Variants in FARS2 observed in about 807,000 individuals in gnomAD.
FARS2 encodes the protein phenylalanine--tRNA ligase, mitochondrial.
FARS2 carries 40 observed loss-of-function variants against 46.4 expected under a neutral mutation model. That is an observed-to-expected ratio of 0.86 (90% CI 0.67 to 1.12). FARS2 has a LOEUF of 1.12. Ranked by LOEUF, FARS2 falls within the 50% of genes most tolerant of loss-of-function variation. The pLI, the probability that FARS2 is intolerant of heterozygous loss-of-function variation, is 0.00. For synonymous variants in FARS2, 234 were observed against 214.9 expected (o/e 1.09, Z -0.78); for missense variants, 513 against 567.9 (o/e 0.90, Z 0.98).
intron 6 of FARS2, among the ~76,000 whole-genome samples, chr6:5,703,018 T>C (rs1398217494): frequency 3.3e-5 from 5 of 152,214 alleles, no homozygotes; most frequent in Admixed American, 6.5e-5. Flanking sequence ...TACGGGATCC[T>C]TCTGCTTCAA....
intron 5 of FARS2, chr6:5,609,774 C>G: frequency 6.7e-7 from 1 of 1,488,828 alleles, no homozygotes; most frequent in Non-Finnish European, 9.2e-7. Flanking sequence ...CTGCCTCGGT[C>G]AGTCATGATT....
chr6:5,656,561 T>A (rs1280932301), intron 6 of FARS2, among the ~76,000 whole-genome samples: 1 of 150,708 alleles, frequency 6.6e-6, no homozygotes, highest in Non-Finnish European at 1.5e-5. Flanking sequence ...TTCTTTGTTT[T>A]TTTTTTGGAG....
At chr6:5,604,184 A>G (rs373300520) in intron 5 of FARS2, among the ~76,000 whole-genome samples, 2 of 152,160 alleles carry the variant, frequency 1.3e-5, no homozygotes, top group African/African-American at 4.8e-5. Flanking sequence ...GCTTATGCGG[A>G]TATGTGCGAG....
At chr6:5,586,664 TTTC>T (rs1355184229) in intron 5 of FARS2, among the ~76,000 whole-genome samples, 5 of 152,090 alleles carry the variant, frequency 3.3e-5, no homozygotes, top group Admixed American at 1.3e-4. Context: ...TCTTTCTTTC[TTTC>T]TTTTGTAGTA....
intron 4 of FARS2, among the ~76,000 whole-genome samples, chr6:5,474,266 CATTT>C (rs1765980316): frequency 1.3e-5 from 2 of 152,178 alleles, no homozygotes; most frequent in Admixed American, 6.6e-5. Context: ...TGCATTATTT[CATTT>C]ATTTATTATT....
intron 6 of FARS2, among the ~76,000 whole-genome samples, chr6:5,728,549 A>G (rs1760419374): frequency 1.3e-5 from 2 of 152,194 alleles, no homozygotes; most frequent in Admixed American, 1.3e-4. Flanking sequence ...ACACACTCAC[A>G]TGATTCTCTG....
At chr6:5,369,595 A>G (rs1758911811) in intron 2 of FARS2, among the ~76,000 whole-genome samples, 1 of 152,146 alleles carries the variant, frequency 6.6e-6, no homozygotes, top group Non-Finnish European at 1.5e-5. Context: ...TTGCTGTTAG[A>G]GAGAAATGAA....
At chr6:5,257,428 G>A (rs1350756372), upstream of FARS2, among the ~76,000 whole-genome samples, 1 of 152,084 alleles carries the variant, frequency 6.6e-6, no homozygotes, top group Non-Finnish European at 1.5e-5. Context: ...AACTATCTCT[G>A]TACCTGTGTC....
intron 1 of FARS2, among the ~76,000 whole-genome samples, chr6:5,363,647 C>T (rs1422163552): frequency 4.6e-5 from 7 of 152,058 alleles, no homozygotes; most frequent in Non-Finnish European, 8.8e-5. Context: ...AGTAATAATA[C>T]GGCATGCTAA....
intron 6 of FARS2, among the ~76,000 whole-genome samples, chr6:5,648,207 T>A (rs1340613856): frequency 6.6e-6 from 1 of 152,214 alleles, no homozygotes; most frequent in Non-Finnish European, 1.5e-5. Context: ...ATTCCTCAAG[T>A]TAAACACAGT....
At chr6:5,358,047 T>G (rs888203958) in intron 1 of FARS2, among the ~76,000 whole-genome samples, 5 of 152,170 alleles carry the variant, frequency 3.3e-5, no homozygotes, top group Admixed American at 1.3e-4. Flanking sequence ...AGTGACTTCA[T>G]TTAGAGAATC....
At position 5,419,706 on chromosome 6, in the gene FARS2, A is replaced by G. The variant is rs188354405; in HGVS notation, c.773-11335A>G. On this transcript the variant is annotated intron_variant, in intron 3 of 6. Transcript: ENST00000274680. The stretch of plus-strand genomic sequence containing the variant: ...TAATCTTAAAGCTCCTTAGATCTAC[A>G]GCCCCATGCTGCATTTGGGTGACAG... Among the ~76,000 whole-genome samples the G allele has an allele frequency of 3.9e-5, 6 of 152,230 alleles. No homozygotes were observed. The East Asian group carries it at 1.2e-3, about 30-fold the overall frequency.
intron 6 of FARS2, among the ~76,000 whole-genome samples, chr6:5,706,890 C>T (rs572784493): frequency 7.9e-5 from 12 of 152,326 alleles, no homozygotes; most frequent in Admixed American, 5.2e-4. Context: ...GCTTTCCATC[C>T]GTTGATGGGG....
At chr6:5,312,088 C>G (rs1769117022) in intron 1 of FARS2, among the ~76,000 whole-genome samples, 1 of 152,132 alleles carries the variant, frequency 6.6e-6, no homozygotes, top group South Asian at 2.1e-4. Context: ...TGTAGAATGT[C>G]TGAAACTTAC....
At chr6:5,371,843 A>C (rs142532336) in intron 2 of FARS2, among the ~76,000 whole-genome samples, 1 of 152,260 alleles carries the variant, frequency 6.6e-6, no homozygotes, top group East Asian at 1.9e-4. Context: ...ATATAAGTCC[A>C]AATACATCAG....
intron 6 of FARS2, among the ~76,000 whole-genome samples, chr6:5,641,824 T>A (rs1776834486): frequency 6.6e-6 from 1 of 152,236 alleles, no homozygotes; most frequent in South Asian, 2.1e-4. Context: ...ACCTCTAAGA[T>A]GCTTCTCAAG....
intron 6 of FARS2, among the ~76,000 whole-genome samples, chr6:5,752,523 C>T (rs1465364879): frequency 1.3e-5 from 2 of 152,176 alleles, no homozygotes; most frequent in Admixed American, 1.3e-4. Context: ...CTTCAAATGC[C>T]ACAAACAGCC....
intron 6 of FARS2, among the ~76,000 whole-genome samples, chr6:5,669,531 C>T (rs941761328): frequency 2.0e-5 from 3 of 152,178 alleles, no homozygotes; most frequent in African/African-American, 4.8e-5. Context: ...CCACCGTATA[C>T]GTCAGCCCCC....
intron 4 of FARS2, among the ~76,000 whole-genome samples, chr6:5,493,837 T>A (rs544831308): frequency 6.6e-5 from 10 of 152,360 alleles, no homozygotes; most frequent in Non-Finnish European, 1.2e-4. Flanking sequence ...GACAGTTCAA[T>A]GACTTTATAA....
Sources: gnomAD v4.1 joint callset for allele counts (sites outside exome capture counted in the v4.1 genomes callset) on GRCh38, gnomAD v4.1.1 for gene constraint, MANE v1.5 for transcripts, NCBI Gene and HGNC (gene_info 2026-07-23, HGNC 2026-07-21) for gene names.